The following NME9 variants were observed in gnomAD, a reference collection of about 807,000 sequenced individuals.
The protein encoded by NME9 is NME/NM23 family member 9.
NME9 carries 48 observed loss-of-function variants against 44.4 expected under a neutral mutation model. That is an observed-to-expected ratio of 1.08 (90% CI 0.86 to 1.37). The LOEUF (loss-of-function observed/expected upper bound fraction) is 1.37. Among genes scored for constraint, NME9 ranks in the 40% most tolerant of loss-of-function variants. The pLI is 0.00. For synonymous variants in NME9, 139 were observed against 147.1 expected, an observed-to-expected ratio of 0.94 and a Z score of 0.40; for missense variants, 325 against 405.2, an observed-to-expected ratio of 0.80 and a Z score of 1.70.
Position 138,290,408 on chromosome 3 carries a change from T to A in NME9, c.745+13099A>T, listed in dbSNP as rs2050824641. 7 of 635,950 alleles carry A rather than the reference T, an allele frequency of 1.1e-5. No homozygotes were observed. In the South Asian group the frequency reaches 1.4e-4, roughly 12 times the overall value. The allele number at this position is 635,950 out of a possible 1,614,324, so 39.4% of individuals were successfully genotyped here. A position where few individuals can be genotyped will look rare whatever the true frequency, so the allele number is the denominator to read the frequency against. ...CCAAGCATGAGCGGGTCCAACTACA[T>A]TGGGAGAGGGTAGAGGACAAGGGGT... On this transcript the variant is annotated intron_variant, in intron 8 of 8. Coordinates refer to the NME9 transcript ENST00000317876.
At chr3:138,290,619 A>G (rs2050844850) in intron 8 of NME9, 8 of 1,603,946 alleles carry the variant, frequency 5.0e-6, no homozygotes, top group Non-Finnish European at 6.8e-6. Flanking sequence ...GTCAGTCACC[A>G]GATTCAAACC....
downstream of NME9, among the ~76,000 whole-genome samples, chr3:138,300,731 G>A (rs2108423054): frequency 6.6e-6 from 1 of 152,296 alleles, no homozygotes; most frequent in Middle Eastern, 3.4e-3. Context: ...GAGAAATGGG[G>A]GAGGGATGCG....
chr3:138,323,759 C>G (rs2053606438), intron 2 of NME9, among the ~76,000 whole-genome samples: 1 of 152,040 alleles, frequency 6.6e-6, no homozygotes, highest in African/African-American at 2.4e-5. Flanking sequence ...GCACACTGAG[C>G]AGGTATATTC....
chr3:138,315,269 T>G (rs950535389), intron 5 of NME9, among the ~76,000 whole-genome samples: 1 of 152,192 alleles, frequency 6.6e-6, no homozygotes, highest in African/African-American at 2.4e-5. Flanking sequence ...GAATTCATTG[T>G]TAAGAGTTGA....
chr3:138,305,547 A>C (rs1386014180), intron 8 of NME9, among the ~76,000 whole-genome samples: 2 of 152,034 alleles, frequency 1.3e-5, no homozygotes, highest in East Asian at 1.9e-4. Context: ...ACACACACAC[A>C]CCCCTGACCT....
chr3:138,278,129 A>G (rs1173425001), intron 8 of NME9, among the ~76,000 whole-genome samples: 1 of 152,228 alleles, frequency 6.6e-6, no homozygotes, highest in Non-Finnish European at 1.5e-5. Flanking sequence ...CTATAAAGGG[A>G]TAGCACAGGA....
chr3:138,299,470 G>C (rs1023597980), downstream of NME9, among the ~76,000 whole-genome samples: 1 of 152,092 alleles, frequency 6.6e-6, no homozygotes, highest in African/African-American at 2.4e-5. Flanking sequence ...TGCTTCTGTT[G>C]TGTGAAACCA....
chr3:138,302,539 T>A (rs2051920457), intron 10 of NME9, among the ~76,000 whole-genome samples: 1 of 151,918 alleles, frequency 6.6e-6, no homozygotes, highest in Non-Finnish European at 1.5e-5. Flanking sequence ...TGTCAGTGGG[T>A]CTCTGATCCA....
chr3:138,303,397 T>C (rs2051982060), intron 10 of NME9, 110 bp downstream of exon 10: 30 of 787,144 alleles, frequency 3.8e-5, no homozygotes, highest in South Asian at 3.4e-4. Context: ...CTGTATTAGG[T>C]TGAAGACTTA....
At chr3:138,303,097 G>A (rs748192448) in intron 10 of NME9, among the ~76,000 whole-genome samples, 7 of 152,242 alleles carry the variant, frequency 4.6e-5, no homozygotes, top group Non-Finnish European at 7.3e-5. Context: ...GGGCCCTTCC[G>A]TATAGCTGCG....
chr3:138,326,215 T>C lies in NME9; in HGVS notation c.34-1285A>G, dbSNP rs543701198. Among the ~76,000 whole-genome samples, 13 of 152,324 alleles carry C rather than the reference T, an allele frequency of 8.5e-5. No individual in the cohort carries two copies. The South Asian group carries it at 1.7e-3, about 19-fold the overall frequency. ...GAAATTGGCTGGACTGGTTGGAGTG[T>C]TGGAGAAGCTGAAGATCATTCCTCT... is the stretch of plus-strand genomic sequence containing the variant. On this transcript the variant is annotated intron_variant, in intron 1 of 10. Coordinates refer to ENST00000333911, the MANE Select transcript of NME9 (RefSeq NM_001349018.2).
intron 10 of NME9, among the ~76,000 whole-genome samples, chr3:138,301,948 T>G (rs989595404): frequency 6.6e-6 from 1 of 152,218 alleles, no homozygotes; most frequent in Non-Finnish European, 1.5e-5. Context: ...ACAACAGCTC[T>G]ATGATGAAGA....
rs767344370 is a variant in NME9 at position 138,306,405 on chromosome 3, A to C, written c.536T>G (p.Ile179Ser). The C allele has an allele frequency of 6.2e-7, 1 of 1,608,824 alleles. No individual in the cohort carries two copies. The highest frequency in any genetic ancestry group is 1.1e-5 in the South Asian group (1 of 90,980). The stretch of plus-strand genomic sequence containing the variant: ...AAGTGTTGTCTCTCTTACCTTCATG[A>C]TAATCTCATCAGTCTTTCCATGGGC... ...AVAHGKTDEI[I>S]MKIQEAGFEI... The change falls in exon 7 of 11, where the codon ATC (isoleucine) becomes AGC (serine). Residue 179 changes from isoleucine (I) to serine (S), a missense_variant. Transcript: ENST00000333911.
chr3:138,267,301 CTTTT>C, intron 8 of NME9: 6 of 1,024,662 alleles, frequency 5.9e-6, no homozygotes, highest in Non-Finnish European at 8.4e-6. Flanking sequence ...TACTCAAATA[CTTTT>C]TATAGTAGTT....
At chr3:138,262,663 G>C in intron 8 of NME9, 1 of 1,402,386 alleles carries the variant, frequency 7.1e-7, no homozygotes, top group Non-Finnish European at 9.5e-7. Flanking sequence ...TTGGTCTGCT[G>C]TATGGCCTGG....
intron 8 of NME9, among the ~76,000 whole-genome samples, chr3:138,279,864 A>G (rs1320071004): frequency 6.6e-6 from 1 of 152,068 alleles, no homozygotes; most frequent in East Asian, 1.9e-4. Context: ...AGTCTGTAGT[A>G]TCCTTGGCAG....
At chr3:138,303,377 C>A in intron 10 of NME9, 130 bp downstream of exon 10, 1 of 611,310 alleles carries the variant, frequency 1.6e-6, no homozygotes. Context: ...CCTGTATTTT[C>A]AGAACAGGAC....
intron 8 of NME9, chr3:138,273,040 G>A (rs185968098): frequency 4.0e-5 from 64 of 1,613,116 alleles, no homozygotes; most frequent in African/African-American, 2.8e-4. Context: ...CAGCTATTCC[G>A]GTTATTATCA....
At chr3:138,291,081 A>AT (rs1214534016) in intron 8 of NME9, among the ~76,000 whole-genome samples, 1 of 152,206 alleles carries the variant, frequency 6.6e-6, no homozygotes, top group Admixed American at 6.5e-5. Flanking sequence ...AGAGCTCATC[A>AT]TTTCCTGGTA....
Sources: allele counts gnomAD v4.1 joint callset (sites outside exome capture counted in the v4.1 genomes callset), GRCh38; gene constraint gnomAD v4.1.1; transcripts MANE v1.5; gene names NCBI Gene and HGNC (gene_info 2026-07-23, HGNC 2026-07-21).